DPYD: variants seen among roughly 807,000 people sequenced by gnomAD.
DPYD encodes the protein dihydropyrimidine dehydrogenase, also known as dihydropyrimidine dehydrogenase [NADP(+)].
In DPYD, 109 loss-of-function variants were observed where a neutral mutation model predicts 116.2. The ratio of observed to expected loss-of-function variants is 0.94; its 90% CI spans 0.80 to 1.10. The LOEUF (loss-of-function observed/expected upper bound fraction) is 1.10, where lower values mean the gene tolerates loss of function less well. DPYD is among the 50% of genes least tolerant of loss of function. DPYD has a pLI of 0.00. For missense variants in DPYD, 1,302 were observed against 1,254.5 expected (o/e 1.04, Z -0.57); for synonymous variants, 440 against 432.0 (o/e 1.02, Z -0.23).
intron 4 of DPYD, among the ~76,000 whole-genome samples, chr1:97,731,580 G>A (rs984242761): frequency 4.0e-5 from 6 of 151,690 alleles, no homozygotes; most frequent in Non-Finnish European, 5.9e-5. Context: ...TGTTAATATC[G>A]ATAGTATAGT....
In DPYD at chr1:97,691,716, C is replaced by A; in HGVS notation, c.762+1G>T. The A allele has an allele frequency of 6.2e-7, 1 of 1,612,834 alleles. No homozygotes were observed. Among genetic ancestry groups the A allele is most frequent in the Non-Finnish European group, 8.5e-7 (1 of 1,179,146 alleles). ...CACAGATAGGTGTTTTTTTCATTTA[C>A]CTTTACACCAAGGTCCTTCATTAGC... On this transcript the variant is annotated splice_donor_variant, in intron 7 of 22. Transcript: ENST00000370192. LOFTEE classifies it high-confidence loss of function.
intron 16 of DPYD, among the ~76,000 whole-genome samples, chr1:97,322,193 C>G (rs1336064080): frequency 6.8e-6 from 1 of 146,586 alleles, no homozygotes; most frequent in Non-Finnish European, 1.5e-5. Flanking sequence ...ATGTAACTAA[C>G]CTGCACAATG....
chr1:97,258,649 G>A (rs1027728644), intron 18 of DPYD, among the ~76,000 whole-genome samples: 2 of 152,146 alleles, frequency 1.3e-5, no homozygotes, highest in East Asian at 3.9e-4. Flanking sequence ...GAGATGCAAT[G>A]AGGCCTGTTT....
chr1:97,751,456 GTGTGTATATATATATA>G (rs1449752611), intron 3 of DPYD, among the ~76,000 whole-genome samples: 1 of 24,414 alleles, frequency 4.1e-5, no homozygotes, highest in East Asian at 2.1e-3. Flanking sequence ...GTGTGTGTGT[GTGTGTATATATATATA>G]TATATATATA....
At chr1:97,667,568 A>T (rs1468448565) in intron 8 of DPYD, among the ~76,000 whole-genome samples, 1 of 152,144 alleles carries the variant, frequency 6.6e-6, no homozygotes, top group Non-Finnish European at 1.5e-5. Flanking sequence ...ACAAACTAGC[A>T]AATGTTGGCG....
intron 16 of DPYD, among the ~76,000 whole-genome samples, chr1:97,371,490 G>A (rs1671310396): frequency 6.6e-6 from 1 of 152,216 alleles, no homozygotes; most frequent in African/African-American, 2.4e-5. Flanking sequence ...GGAACTTAGA[G>A]AGGTAAAGGG....
intron 16 of DPYD, among the ~76,000 whole-genome samples, chr1:97,354,731 G>A (rs1670336387): frequency 6.6e-6 from 1 of 152,162 alleles, no homozygotes; most frequent in South Asian, 2.1e-4. Context: ...ATCCTTCTCA[G>A]GATCTTCTCA....
chr1:97,653,190 T>G (rs1409726950), intron 8 of DPYD, among the ~76,000 whole-genome samples: 1 of 152,108 alleles, frequency 6.6e-6, no homozygotes, highest in Non-Finnish European at 1.5e-5. Context: ...GAAGGACAAG[T>G]ATAGTGCATG....
intron 18 of DPYD, among the ~76,000 whole-genome samples, chr1:97,269,426 C>G (rs949528934): frequency 1.3e-5 from 2 of 152,136 alleles, no homozygotes; most frequent in South Asian, 4.1e-4. Flanking sequence ...CTACCCGTTA[C>G]CCAGTTCCAA....
intron 13 of DPYD, among the ~76,000 whole-genome samples, chr1:97,504,563 T>C (rs758008277): frequency 6.6e-6 from 1 of 151,878 alleles, no homozygotes; most frequent in African/African-American, 2.4e-5. Flanking sequence ...AAAAGCACCA[T>C]AGGGAAGAGT....
chr1:97,816,866 C>T (rs1013452517), intron 3 of DPYD, among the ~76,000 whole-genome samples: 2 of 151,986 alleles, frequency 1.3e-5, no homozygotes, highest in Non-Finnish European at 2.9e-5. Flanking sequence ...AGATAGGGCA[C>T]CTCAGTAATG....
In DPYD at chr1:97,718,969, A is replaced by C. The variant is rs549024275; in HGVS notation, c.483+2541T>G. On this transcript the variant is annotated intron_variant, in intron 5 of 22. Coordinates refer to ENST00000370192, the MANE Select transcript of DPYD (RefSeq NM_000110.4). The stretch of plus-strand genomic sequence containing the variant: ...CTATTATTTCCCAGTTATTTTATTG[A>C]AACAATGTCATGATAGGATTAAAAT... 1.3e-5 allele frequency among the ~76,000 whole-genome samples: 2 copies of C among 151,746 alleles called. 1 individual carries two copies. The highest frequency in any genetic ancestry group is 2.9e-5 in the Non-Finnish European group (2 of 67,890).
At chr1:97,806,267 A>G (rs1043110269) in intron 3 of DPYD, among the ~76,000 whole-genome samples, 11 of 151,946 alleles carry the variant, frequency 7.2e-5, no homozygotes, top group African/African-American at 2.4e-4. Context: ...AGTCAATAAC[A>G]GTAAAATCTA....
intron 3 of DPYD, among the ~76,000 whole-genome samples, chr1:97,758,227 T>C (rs1020975734): frequency 1.3e-5 from 2 of 152,156 alleles, no homozygotes; most frequent in Non-Finnish European, 2.9e-5. Flanking sequence ...TAACCTCTGC[T>C]AAGTGAAACC....
intron 18 of DPYD, among the ~76,000 whole-genome samples, chr1:97,290,261 C>G (rs1000342189): frequency 6.6e-6 from 1 of 151,944 alleles, no homozygotes; most frequent in Non-Finnish European, 1.5e-5. Flanking sequence ...CCATACTGCC[C>G]AAGGTAATTT....
intron 14 of DPYD, among the ~76,000 whole-genome samples, chr1:97,437,744 CA>C (rs1439405748): frequency 6.6e-6 from 1 of 151,870 alleles, no homozygotes. Context: ...TAATTTGTAT[CA>C]AATCACATAT....
At chr1:97,733,766 A>G (rs557443981) in intron 4 of DPYD, among the ~76,000 whole-genome samples, 19 of 152,174 alleles carry the variant, frequency 1.2e-4, no homozygotes, top group Non-Finnish European at 2.5e-4. Context: ...TTTAATTCTC[A>G]AATATATATC....
chr1:97,440,179 G>A (rs1242835593), intron 14 of DPYD, among the ~76,000 whole-genome samples: 1 of 151,064 alleles, frequency 6.6e-6, no homozygotes, highest in Admixed American at 6.6e-5. Flanking sequence ...GGAGGCTGAG[G>A]CCTTGAACCG....
At chr1:97,337,191 A>T (rs1369960073) in intron 16 of DPYD, among the ~76,000 whole-genome samples, 2 of 152,230 alleles carry the variant, frequency 1.3e-5, no homozygotes, top group Non-Finnish European at 2.9e-5. Context: ...GAAGAGGCAG[A>T]AATGAAAAAT....
Sources: gnomAD v4.1 joint callset for allele counts (sites outside exome capture counted in the v4.1 genomes callset) on GRCh38, gnomAD v4.1.1 for gene constraint, MANE v1.5 for transcripts, NCBI Gene and HGNC (gene_info 2026-07-23, HGNC 2026-07-21) for gene names.